TNK1: variants seen among roughly 807,000 people sequenced by gnomAD.
TNK1 encodes the protein non-receptor tyrosine-protein kinase TNK1.
Under a neutral mutation model 65.2 loss-of-function variants are expected in TNK1, and 53 were observed. That is an observed-to-expected ratio of 0.81 (90% CI 0.65 to 1.02). The LOEUF is 1.02. TNK1 is among the 50% of genes least tolerant of loss of function. The probability of loss-of-function intolerance (pLI) is 0.00; values close to 1 mark genes in which losing one functional copy is unlikely to be tolerated. For synonymous variants in TNK1, 353 were observed against 364.6 expected (o/e 0.97, Z 0.36); for missense variants, 837 against 878.4 (o/e 0.95, Z 0.60).
chr17:7,387,705 A>G (rs1272218402), intron 10 of TNK1, among the ~76,000 whole-genome samples: 2 of 151,608 alleles, frequency 1.3e-5, no homozygotes, highest in Non-Finnish European at 2.9e-5. Flanking sequence ...CCCGGGTTCA[A>G]GCGATTCTCC....
Position 7,384,205 on chromosome 17 carries a change from C to T in TNK1, c.818C>T (p.Ala273Val). The change falls in exon 6 of 13, where the codon GCC (alanine) becomes GTC (valine). Residue 273 changes from alanine (A) to valine (V), a missense_variant. Ala to Val is a moderately conservative substitution (Grantham distance 64). Transcript: ENST00000688331. ...DFGLVRPLGG[A>V]RGRYVMGGPR... is the part of the protein sequence containing the mutation. ...GGGCTGGTGCGGCCTCTGGGCGGTG[C>T]CCGGGGCCGCTACGTCATGGGCGGG... 9 of 1,520,876 alleles carry T rather than the reference C, an allele frequency of 5.9e-6. No homozygotes were observed. Among genetic ancestry groups the T allele is most frequent in the Non-Finnish European group, 7.9e-6 (9 of 1,141,984 alleles). The allele number at this position is 1,520,876 out of a possible 1,614,324, so 94.2% of individuals were successfully genotyped here. A position where few individuals can be genotyped will look rare whatever the true frequency, so the allele number is the denominator to read the frequency against.
Position 7,389,001 on chromosome 17 carries a change from TC to T in TNK1, c.1905del (p.Arg636GlufsTer96), listed in dbSNP as rs1356219779. Reference sequence around the variant, plus strand: ...TCAGCTCTTCCACCTGAGTAGCCGGTCCAGAGCTGACTGCTGGCGCATCCTG... The same window carrying T: ...TCAGCTCTTCCACCTGAGTAGCCGGTCAGAGCTGACTGCTGGCGCATCCTG... ...VDQLFHLSSR[S>X]RADCWRILEH... On this transcript the variant is annotated frameshift_variant, in exon 13 of 13. Coordinates refer to ENST00000688331, the MANE Select transcript of TNK1 (RefSeq NM_003985.6). LOFTEE classifies it high-confidence loss of function. 6.4e-7 allele frequency: 1 copy of T among 1,554,572 alleles called. No individual in the cohort carries two copies.
At chr17:7,384,890 T>C in intron 7 of TNK1, 136 bp downstream of exon 7, 2 of 1,201,898 alleles carry the variant, frequency 1.7e-6, no homozygotes, top group Non-Finnish European at 2.3e-6. Flanking sequence ...ACAGATGCAG[T>C]CCCTACCTGC....
Position 7,382,731 on chromosome 17 carries a change from C to A in TNK1, c.-91-105C>A. 1.6e-6 allele frequency: 1 copy of A among 623,478 alleles called. No homozygotes were observed. 38.6% of individuals were successfully genotyped at this position (623,478 alleles called of 1,614,324 possible). Reference sequence around the variant, plus strand: ...GGGACAGAGTACCCGGATGCCTGGGCACGGGGAACATTCTATCTGGGATTT... The same window carrying A: ...GGGACAGAGTACCCGGATGCCTGGGAACGGGGAACATTCTATCTGGGATTT... On this transcript the variant is annotated intron_variant, in intron 1 of 12. Coordinates refer to ENST00000688331, the MANE Select transcript of TNK1 (RefSeq NM_003985.6). This position sits in a 1 kb window ranked among gnomAD's most constrained non-coding sequence, Gnocchi z 4.1.
rs1469486859 is a variant in TNK1, at chr17:7,384,742, G to A, written c.1125G>A (p.Gly375=). 6.3e-7 allele frequency: 1 copy of A among 1,577,406 alleles called. No homozygotes were observed. The highest frequency in any genetic ancestry group is 1.2e-5 in the South Asian group (1 of 86,624). The change falls in exon 7 of 13, where the codon GGG becomes GGA. Residue 375 remains glycine, a synonymous_variant. Coordinates refer to ENST00000688331, the MANE Select transcript of TNK1 (RefSeq NM_003985.6). ...GGCCTAGCTTTTCCCACCTGGAGGG[G>A]CTGCTGCAAGAGGTGGGAACCCCCG... ...ADRPSFSHLE[G]LLQEAGPSEA...
rs773298096 is a variant in TNK1, at chr17:7,384,110, G to A, written c.723G>A (p.Leu241=). Residue 241 remains leucine (L), a synonymous_variant, in exon 6 of 13, where the codon CTG becomes CTA. Transcript: ENST00000688331. ...GAMAYLGARG[L]VHRDLATRNL... ...TGGCGTACCTGGGGGCCCGCGGGCT[G>A]GTGCACCGAGACCTCGCTACGCGCA... 5.0e-5 allele frequency: 78 copies of A among 1,547,594 alleles called. No homozygotes were observed. The Middle Eastern group carries it at 5.6e-4, about 11-fold the overall frequency.
At chr17:7,386,801 C>A in intron 8 of TNK1, 146 bp downstream of exon 8, 1 of 1,106,412 alleles carries the variant, frequency 9.0e-7, no homozygotes, top group Non-Finnish European at 1.3e-6. Flanking sequence ...AAAGCTCCAG[C>A]ATGGTCCTGG....
chr17:7,381,291 G>T lies in TNK1; in HGVS notation c.-92+177G>T, dbSNP rs1192674263. Among the ~76,000 whole-genome samples, 1 of 152,180 alleles carries T rather than the reference G, an allele frequency of 6.6e-6. No homozygotes were observed. The highest frequency in any genetic ancestry group is 1.5e-5 in the Non-Finnish European group (1 of 68,022). On this transcript the variant is annotated intron_variant, in intron 1 of 12. Transcript: ENST00000688331. ...CCCCGCTTCCCACCGAGCGCGCAGGGCCGGGTCCCCCAGGGTCCTGGGCTT... is the reference window on the plus strand; with the variant it reads ...CCCCGCTTCCCACCGAGCGCGCAGGTCCGGGTCCCCCAGGGTCCTGGGCTT...
upstream of TNK1, among the ~76,000 whole-genome samples, chr17:7,380,148 G>A (rs927286788): frequency 6.6e-6 from 1 of 152,150 alleles, no homozygotes; most frequent in African/African-American, 2.4e-5. Context: ...AAGAGGACCC[G>A]AGGCTGGGAA....
In TNK1 at chr17:7,382,137, G is replaced by A. The variant is rs140319731; in HGVS notation, c.-91-699G>A. ...AAAAAATAGCCGGGCATGGTGGCAC[G>A]CGCCTGTAGTCCCAGCTACTTGGGA... On this transcript the variant is annotated intron_variant, in intron 1 of 12. Coordinates refer to ENST00000688331, the MANE Select transcript of TNK1 (RefSeq NM_003985.6). This position sits in a 1 kb window ranked among gnomAD's most constrained non-coding sequence, Gnocchi z 4.1. 0.025 allele frequency among the ~76,000 whole-genome samples: 3,799 copies of A among 152,172 alleles called. 144 individuals are homozygous for A. Among genetic ancestry groups the A allele is most frequent in the African/African-American group, 0.084 (3,473 of 41,492 alleles).
chr17:7,385,759 T>C (rs927591275), intron 7 of TNK1, among the ~76,000 whole-genome samples: 10 of 152,138 alleles, frequency 6.6e-5, no homozygotes, highest in African/African-American at 1.7e-4. Context: ...GAGATGGGGT[T>C]TCACCATGTT....
intron 10 of TNK1, 34 bp downstream of exon 10, chr17:7,387,491 A>T: frequency 6.5e-7 from 1 of 1,549,194 alleles, no homozygotes; most frequent in Non-Finnish European, 8.8e-7. Context: ...CTCTGAGGAG[A>T]TCAAGACCAG....
At chr17:7,386,787 C>T (rs1905203133) in intron 8 of TNK1, 132 bp downstream of exon 8, 2 of 1,079,370 alleles carry the variant, frequency 1.9e-6, no homozygotes, top group Admixed American at 2.1e-5. Flanking sequence ...CCCACTGGGT[C>T]CTGAAAGCTC....
intron 1 of TNK1, 113 bp downstream of exon 1, chr17:7,381,227 C>G (rs997059848): frequency 1.3e-5 from 2 of 152,472 alleles, no homozygotes; most frequent in African/African-American, 4.8e-5. Context: ...GCGTCCTTCC[C>G]TCCCGCAGCC....
rs749214976 is a variant in TNK1 at position 7,384,580 on chromosome 17, G to A, written c.963G>A (p.Glu321=). 6.8e-6 allele frequency: 11 copies of A among 1,612,152 alleles called. No individual in the cohort carries two copies. In the Admixed American group the frequency reaches 1.0e-4, roughly 15 times the overall value. Residue 321 remains glutamate (E), a synonymous_variant, in exon 7 of 13, where the codon GAG becomes GAA. Coordinates refer to ENST00000688331, the MANE Select transcript of TNK1 (RefSeq NM_003985.6). ...VTLWEMFSGG[E]EPWAGVPPYL... is the part of the protein sequence containing the mutation. ...TGTGGGAGATGTTCTCCGGGGGCGAGGAACCCTGGGCCGGGGTCCCACCGT... is the reference window on the plus strand; with the variant it reads ...TGTGGGAGATGTTCTCCGGGGGCGAAGAACCCTGGGCCGGGGTCCCACCGT...
intron 10 of TNK1, among the ~76,000 whole-genome samples, chr17:7,387,682 G>A (rs996958574): frequency 1.4e-4 from 21 of 146,912 alleles, no homozygotes; most frequent in African/African-American, 3.5e-4. Flanking sequence ...TTGGCTCACC[G>A]CAACCTCCAC....
At chr17:7,387,288 G>T in intron 9 of TNK1, 90 bp from the exon 10 acceptor site, 2 of 1,522,074 alleles carry the variant, frequency 1.3e-6, no homozygotes, top group Non-Finnish European at 1.8e-6. Flanking sequence ...GGGTCTCCTG[G>T]GTTCCCCTGT....
At chr17:7,383,210 C>T (rs778841967) in intron 2 of TNK1, 40 bp from the exon 3 acceptor site, 1 of 1,613,770 alleles carries the variant, frequency 6.2e-7, no homozygotes, top group Non-Finnish European at 8.5e-7. Context: ...CTCTTCCCCA[C>T]ACCCACCTCC....
Position 7,389,332 on chromosome 17 carries a change from C to A in TNK1, c.*248C>A. Reference sequence around the variant, plus strand: ...TTGGCTGGGCCAAGAAGGATCTAGTCTGCCCACTACATTCTCAAACAAGAG... The same window carrying A: ...TTGGCTGGGCCAAGAAGGATCTAGTATGCCCACTACATTCTCAAACAAGAG... On this transcript the variant is annotated 3_prime_UTR_variant, in exon 13 of 13. Transcript: ENST00000688331. 1 of 552,330 alleles carries A rather than the reference C, an allele frequency of 1.8e-6. No homozygotes were observed. Among genetic ancestry groups the A allele is most frequent in the South Asian group, 2.6e-5 (1 of 38,264 alleles). The allele number at this position is 552,330 out of a possible 1,614,324, so 34.2% of individuals were successfully genotyped here. A position where few individuals can be genotyped will look rare whatever the true frequency, so the allele number is the denominator to read the frequency against.
Sources: allele counts gnomAD v4.1 joint callset (sites outside exome capture counted in the v4.1 genomes callset), GRCh38; gene constraint gnomAD v4.1.1; non-coding constraint Gnocchi (gnomAD v3.1); transcripts MANE v1.5; gene names NCBI Gene and HGNC (gene_info 2026-07-23, HGNC 2026-07-21).